The following PODXL variants were observed in gnomAD, a reference collection of about 807,000 sequenced individuals.
The protein encoded by PODXL is podocalyxin like.
PODXL carries 20 observed loss-of-function variants against 48.9 expected under a neutral mutation model. That is an observed-to-expected ratio of 0.41 (90% CI 0.29 to 0.59). The LOEUF (loss-of-function observed/expected upper bound fraction) is 0.59, where lower values mean the gene tolerates loss of function less well. Among genes scored for constraint, PODXL ranks in the 20% least tolerant of loss-of-function variants. The pLI, the probability that PODXL is intolerant of heterozygous loss-of-function variation, is 0.31. For missense variants in PODXL, 606 were observed against 675.1 expected (o/e 0.90, Z 1.13); for synonymous variants, 295 against 287.4 (o/e 1.03, Z -0.27).
rs1367947210 is a variant in PODXL, at chr7:131,501,289, A to C, written c.*3022T>G. On this transcript the variant is annotated 3_prime_UTR_variant, in exon 9 of 9. Transcript: ENST00000378555. ...CTCAGCTAACATAATGCTTTTTCAA[A>C]GTATGTTCACTTAAAGCAGTGCAGG... The C allele has an allele frequency of 6.6e-6, 1 of 152,654 alleles. No individual in the cohort carries two copies. Among genetic ancestry groups the C allele is most frequent in the Non-Finnish European group, 1.5e-5 (1 of 68,034 alleles). 9.5% of individuals were successfully genotyped at this position (152,654 alleles called of 1,614,324 possible).
At position 131,506,652 on chromosome 7, in the gene PODXL, T is replaced by G. The variant is rs777140013; in HGVS notation, c.1176A>C (p.Gln392His). 6.2e-7 allele frequency: 1 copy of G among 1,614,092 alleles called. No homozygotes were observed. The highest frequency in any genetic ancestry group is 1.3e-5 in the African/African-American group (1 of 74,936). ...ATGCCAGCCGTATGCCGCACTTATC[T>G]TGGGCCGGGTTGAAGGTGGCTTTGA... ...RAVKATFNPA[Q>H]DKCGIRLASV... Residue 392 changes from glutamine (Q) to histidine (H), a missense_variant, in exon 6 of 9, where the codon CAA becomes CAC. Coordinates refer to ENST00000378555, the MANE Select transcript of PODXL (RefSeq NM_001018111.3).
chr7:131,555,314 G>A (rs1381859234), intron 1 of PODXL, among the ~76,000 whole-genome samples: 2 of 152,182 alleles, frequency 1.3e-5, no homozygotes, highest in African/African-American at 4.8e-5. Context: ...CTCTCCCGTG[G>A]GGCTGAGCTG....
At chr7:131,512,824 AAAAT>A (rs1250365490) in intron 1 of PODXL, among the ~76,000 whole-genome samples, 1 of 152,062 alleles carries the variant, frequency 6.6e-6, no homozygotes, top group Non-Finnish European at 1.5e-5. Context: ...CTAAAAATAA[AAAAT>A]AAATAAGCTG....
intron 1 of PODXL, among the ~76,000 whole-genome samples, chr7:131,512,643 G>A (rs1003774518): frequency 2.0e-5 from 3 of 152,058 alleles, no homozygotes; most frequent in Non-Finnish European, 2.9e-5. Context: ...TAGCAACTGA[G>A]CGTCCAAACC....
chr7:131,508,757 A>G (rs1043181015), intron 5 of PODXL, among the ~76,000 whole-genome samples, 194 bp downstream of exon 5: 27 of 152,032 alleles, frequency 1.8e-4, no homozygotes, highest in African/African-American at 6.3e-4. Context: ...GACTTAGAGA[A>G]GTCTTAAACC....
intron 1 of PODXL, among the ~76,000 whole-genome samples, chr7:131,542,312 A>G (rs1798496373): frequency 1.3e-5 from 2 of 152,178 alleles, no homozygotes; most frequent in Admixed American, 6.5e-5. Flanking sequence ...GTCTAGGCCA[A>G]GTTTATTTGG....
intron 1 of PODXL, among the ~76,000 whole-genome samples, chr7:131,530,355 G>GC (rs1237571859): frequency 6.6e-6 from 1 of 151,934 alleles, no homozygotes; most frequent in East Asian, 1.9e-4. Context: ...GCCCTCTCTC[G>GC]CCCCTGCATG....
chr7:131,556,378 C>A lies in PODXL; in HGVS notation c.-19G>T. On this transcript the variant is annotated 5_prime_UTR_variant, in exon 1 of 9. Coordinates refer to ENST00000378555, the MANE Select transcript of PODXL (RefSeq NM_001018111.3). ...AGCGCATCGTGTCGTCGCCTCTGGG[C>A]CGGGAGCAGGTGGCTGCGGTGCCGG... 7.3e-7 allele frequency: 1 copy of A among 1,372,516 alleles called. No individual in the cohort carries two copies. The highest frequency in any genetic ancestry group is 2.8e-5 in the East Asian group (1 of 35,210). 85.0% of individuals were successfully genotyped at this position (1,372,516 alleles called of 1,614,324 possible).
intron 1 of PODXL, among the ~76,000 whole-genome samples, chr7:131,524,888 T>C (rs1174716255): frequency 2.0e-5 from 3 of 152,152 alleles, no homozygotes; most frequent in Admixed American, 6.5e-5. Context: ...TATAGCCATA[T>C]AATGACTACT....
At chr7:131,541,550 G>T (rs1584829533) in intron 1 of PODXL, among the ~76,000 whole-genome samples, 1 of 152,042 alleles carries the variant, frequency 6.6e-6, no homozygotes, top group Admixed American at 6.5e-5. Flanking sequence ...GCCGGGCTTG[G>T]TGGTGGGCGT....
chr7:131,547,475 G>T (rs1294410888), intron 1 of PODXL, among the ~76,000 whole-genome samples: 1 of 152,004 alleles, frequency 6.6e-6, no homozygotes, highest in Admixed American at 6.5e-5. Context: ...ATGGAGGAGG[G>T]CACAATACCT....
chr7:131,542,593 G>A (rs1353663960), intron 1 of PODXL, among the ~76,000 whole-genome samples: 1 of 152,172 alleles, frequency 6.6e-6, no homozygotes, highest in Non-Finnish European at 1.5e-5. Context: ...GGAGGTCAAG[G>A]CTGCAGTAAG....
At chr7:131,526,655 GTTGAAACACT>G (rs1163330210) in intron 1 of PODXL, among the ~76,000 whole-genome samples, 4 of 150,168 alleles carry the variant, frequency 2.7e-5, no homozygotes, top group African/African-American at 9.7e-5. Context: ...GTGTAAATTG[GTTGAAACACT>G]TTGGAAAAGA....
chr7:131,506,088 C>T (rs1797795549), intron 7 of PODXL, 53 bp from the exon 8 acceptor site: 1 of 1,581,202 alleles, frequency 6.3e-7, no homozygotes. Context: ...TCCCTCAGCC[C>T]CCGGCTTCAC....
At position 131,503,717 on chromosome 7, in the gene PODXL, T is replaced by TA. The variant is rs1477150919; in HGVS notation, c.*593dup. ...CTGAGTGTAGGGAGGGGTAAGAACA[T>TA]AGAGGGTGGGAAGATGGGTACACGA... On this transcript the variant is annotated 3_prime_UTR_variant, in exon 9 of 9. Transcript: ENST00000378555. 2 of 155,332 alleles carry TA rather than the reference T, an allele frequency of 1.3e-5. No individual in the cohort carries two copies. Among genetic ancestry groups the TA allele is most frequent in the Admixed American group, 1.3e-4 (2 of 15,836 alleles). 9.6% of individuals were successfully genotyped at this position (155,332 alleles called of 1,614,324 possible).
chr7:131,505,770 C>G, intron 8 of PODXL, 98 bp downstream of exon 8: 1 of 1,232,940 alleles, frequency 8.1e-7, no homozygotes, highest in Non-Finnish European at 1.1e-6. Flanking sequence ...GGTCCAGGGC[C>G]TGCTCCCTTT....
chr7:131,550,801 GCA>G (rs935379078), intron 1 of PODXL, among the ~76,000 whole-genome samples: 2 of 150,566 alleles, frequency 1.3e-5, no homozygotes, highest in African/African-American at 2.5e-5. Context: ...ACACACACAC[GCA>G]CACACACGTG....
chr7:131,532,427 C>T (rs1798295274), intron 1 of PODXL, among the ~76,000 whole-genome samples: 1 of 147,970 alleles, frequency 6.8e-6, no homozygotes. Flanking sequence ...CAAAGCAAGA[C>T]TCCGTCTCAA....
At chr7:131,532,123 AATC>A (rs1246306662) in intron 1 of PODXL, among the ~76,000 whole-genome samples, 7 of 147,946 alleles carry the variant, frequency 4.7e-5, no homozygotes, top group Admixed American at 1.3e-4. Flanking sequence ...TAATAATAAT[AATC>A]ATCATCATCA....
Sources: gnomAD v4.1 joint callset for allele counts (sites outside exome capture counted in the v4.1 genomes callset) on GRCh38, gnomAD v4.1.1 for gene constraint, MANE v1.5 for transcripts, NCBI Gene and HGNC (gene_info 2026-07-23, HGNC 2026-07-21) for gene names.